Variants in KCNN2 observed in about 807,000 individuals in gnomAD.
KCNN2 encodes the protein potassium calcium-activated channel subfamily N member 2.
KCNN2 carries 24 observed loss-of-function variants against 55.5 expected under a neutral mutation model. That is an observed-to-expected ratio of 0.43 (90% CI 0.31 to 0.61). The LOEUF is 0.61. Ranked by LOEUF, KCNN2 falls within the 20% of genes least tolerant of loss-of-function variation. The pLI, the probability that KCNN2 is intolerant of heterozygous loss-of-function variation, is 0.08. For synonymous variants in KCNN2, 431 were observed against 336.1 expected, an observed-to-expected ratio of 1.28 and a Z score of -3.09; for missense variants, 754 against 853.6, an observed-to-expected ratio of 0.88 and a Z score of 1.45.
chr5:114,319,712 A>C (rs1410852119), intron 2 of KCNN2, among the ~76,000 whole-genome samples: 2 of 152,248 alleles, frequency 1.3e-5, no homozygotes, highest in Non-Finnish European at 2.9e-5. Context: ...CCTCGCTTCT[A>C]AATCAAACAC....
chr5:114,335,764 GA>G (rs1481356674), intron 2 of KCNN2, among the ~76,000 whole-genome samples: 3 of 151,618 alleles, frequency 2.0e-5, no homozygotes, highest in Non-Finnish European at 4.4e-5. Context: ...GAAAAAGAAA[GA>G]AAAAAAGATA....
chr5:114,396,880 T>C (rs1318146917), intron 2 of KCNN2, among the ~76,000 whole-genome samples: 1 of 152,102 alleles, frequency 6.6e-6, no homozygotes, highest in African/African-American at 2.4e-5. Flanking sequence ...CCTCCCACCC[T>C]CTACCCTCAG....
At chr5:114,354,513 G>T (rs533927501) in intron 2 of KCNN2, among the ~76,000 whole-genome samples, 103 of 152,178 alleles carry the variant, frequency 6.8e-4, no homozygotes, top group African/African-American at 2.4e-3. Flanking sequence ...TGAGGATTAA[G>T]CCAATACATA....
chr5:114,385,780 A>G (rs537843304), intron 2 of KCNN2, among the ~76,000 whole-genome samples: 4 of 152,028 alleles, frequency 2.6e-5, no homozygotes, highest in African/African-American at 9.6e-5. Context: ...AATGTAATGT[A>G]TGATAAATAA....
intron 1 of KCNN2, among the ~76,000 whole-genome samples, chr5:114,072,415 A>G (rs1750593040): frequency 6.6e-6 from 1 of 152,180 alleles, no homozygotes; most frequent in South Asian, 2.1e-4. Context: ...AGAGCATAGT[A>G]ATCCATAGTC....
chr5:114,340,646 C>T (rs1183653326), intron 2 of KCNN2, among the ~76,000 whole-genome samples: 1 of 139,894 alleles, frequency 7.1e-6, no homozygotes, highest in African/African-American at 2.6e-5. Flanking sequence ...TCACCTCACA[C>T]CATTATGGTG....
chr5:114,151,440 A>G (rs1321919108), intron 1 of KCNN2, among the ~76,000 whole-genome samples: 2 of 151,978 alleles, frequency 1.3e-5, no homozygotes, highest in African/African-American at 2.4e-5. Flanking sequence ...GGGGGTTGTA[A>G]TGAGAAGAGT....
intron 6 of KCNN2, among the ~76,000 whole-genome samples, chr5:114,489,212 C>G (rs1030899257): frequency 6.6e-6 from 1 of 152,062 alleles, no homozygotes; most frequent in Non-Finnish European, 1.5e-5. Flanking sequence ...CATTCACATT[C>G]AAAAGCCTGG....
chr5:114,387,089 T>G (rs1271604441), intron 2 of KCNN2, among the ~76,000 whole-genome samples: 1 of 152,226 alleles, frequency 6.6e-6, no homozygotes, highest in Non-Finnish European at 1.5e-5. Context: ...GCCACTTGAT[T>G]ATTTTTTCTT....
chr5:114,298,587 T>C (rs1756082561), intron 2 of KCNN2, among the ~76,000 whole-genome samples: 1 of 152,224 alleles, frequency 6.6e-6, no homozygotes, highest in Non-Finnish European at 1.5e-5. Context: ...AAAATTAGGA[T>C]ATAAAATATC....
chr5:114,238,847 A>G (rs141618731), intron 2 of KCNN2, among the ~76,000 whole-genome samples: 75 of 152,126 alleles, frequency 4.9e-4, no homozygotes, highest in African/African-American at 1.7e-3. Flanking sequence ...TATTTTTTTT[A>G]TGGTGTGCTG....
intron 2 of KCNN2, among the ~76,000 whole-genome samples, chr5:114,279,049 A>G (rs1204062462): frequency 6.6e-6 from 1 of 152,084 alleles, no homozygotes; most frequent in Admixed American, 6.5e-5. Context: ...GCATTGGCCC[A>G]AACTTTCATT....
chr5:114,186,496 A>G (rs1753337693), intron 1 of KCNN2, among the ~76,000 whole-genome samples: 1 of 152,172 alleles, frequency 6.6e-6, no homozygotes, highest in African/African-American at 2.4e-5. Flanking sequence ...AAACAGAACT[A>G]ATAAATTATT....
chr5:114,254,006 G>A (rs934912901), intron 2 of KCNN2, among the ~76,000 whole-genome samples: 21 of 152,014 alleles, frequency 1.4e-4, no homozygotes, highest in African/African-American at 4.8e-4. Flanking sequence ...TTAAAGGAGG[G>A]CTAAATATGC....
intron 1 of KCNN2, among the ~76,000 whole-genome samples, chr5:114,093,786 T>C (rs1223023462): frequency 6.6e-6 from 1 of 152,178 alleles, no homozygotes; most frequent in East Asian, 1.9e-4. Context: ...ACCACCCCCA[T>C]GATCCAATTA....
At chr5:114,459,810 G>A (rs1437188449) in intron 3 of KCNN2, among the ~76,000 whole-genome samples, 4 of 152,164 alleles carry the variant, frequency 2.6e-5, no homozygotes, top group African/African-American at 9.7e-5. Flanking sequence ...TTCAATACAG[G>A]ATGACAATCT....
intron 2 of KCNN2, among the ~76,000 whole-genome samples, chr5:114,275,563 G>A (rs1755468161): frequency 6.6e-6 from 1 of 151,772 alleles, no homozygotes; most frequent in African/African-American, 2.4e-5. Flanking sequence ...TTAGTCTTGG[G>A]GGGTGTATGT....
chr5:114,117,245 G>A (rs577369511), intron 1 of KCNN2, among the ~76,000 whole-genome samples: 22 of 152,134 alleles, frequency 1.4e-4, no homozygotes, highest in Non-Finnish European at 2.9e-4. Flanking sequence ...CCTGCATTGG[G>A]TGTGGCCACT....
intron 1 of KCNN2, among the ~76,000 whole-genome samples, chr5:114,095,592 C>A (rs979350097): frequency 1.3e-5 from 2 of 152,148 alleles, no homozygotes; most frequent in Non-Finnish European, 2.9e-5. Flanking sequence ...AACCAAGATT[C>A]AATTCTGATT....
Sources: gnomAD v4.1 joint callset for allele counts (sites outside exome capture counted in the v4.1 genomes callset) on GRCh38, gnomAD v4.1.1 for gene constraint, MANE v1.5 for transcripts, NCBI Gene and HGNC (gene_info 2026-07-23, HGNC 2026-07-21) for gene names.